WFS1: variants seen among roughly 807,000 people sequenced by gnomAD.
WFS1 encodes the protein wolframin.
WFS1 carries 90 observed loss-of-function variants against 68.5 expected under a neutral mutation model. The observed-to-expected ratio is 1.31, with a 90% confidence interval of 1.11 to 1.56. The LOEUF is 1.56. Ranked by LOEUF, WFS1 falls within the 40% of genes most tolerant of loss-of-function variation. The pLI is 0.00. For synonymous variants in WFS1, 860 were observed against 540.7 expected, an observed-to-expected ratio of 1.59 and a Z score of -8.19; for missense variants, 1,767 against 1,232.6, an observed-to-expected ratio of 1.43 and a Z score of -6.49.
At chr4:6,294,879 C>G in intron 6 of WFS1, 162 bp from the exon 7 acceptor site, 2 of 1,215,734 alleles carry the variant, frequency 1.6e-6, no homozygotes, top group South Asian at 1.3e-5. Context: ...CAGCCTGGTC[C>G]TCAACCCTCA....
At position 6,287,231 on chromosome 4, in the gene WFS1, C is replaced by T; in HGVS notation, c.315+56C>T. On this transcript the variant is annotated intron_variant, in intron 3 of 7. Transcript: ENST00000226760. This position sits in a 1 kb window ranked among gnomAD's most constrained non-coding sequence, Gnocchi z 6.4. ...GGACGCGGCCCCCGGCACAACAGGC[C>T]TGGCCACGAGCTCCACAGCCCACAG... 6.9e-7 allele frequency: 1 copy of T among 1,459,786 alleles called. No homozygotes were observed. Among genetic ancestry groups the T allele is most frequent in the Non-Finnish European group, 9.4e-7 (1 of 1,065,782 alleles). The allele number at this position is 1,459,786 out of a possible 1,614,324, so 90.4% of individuals were successfully genotyped here. A position where few individuals can be genotyped will look rare whatever the true frequency, so the allele number is the denominator to read the frequency against.
Position 6,302,735 on chromosome 4 carries a change from C to G in WFS1, c.*267C>G. The stretch of plus-strand genomic sequence containing the variant: ...GACCTTTCTGAGTGACATGGGTGTG[C>G]CAGGCTAGACTAGGAGGTTCCGGTG... On this transcript the variant is annotated 3_prime_UTR_variant, in exon 8 of 8. Transcript: ENST00000226760. 1.7e-6 allele frequency: 1 copy of G among 578,772 alleles called. No homozygotes were observed. Among genetic ancestry groups the G allele is most frequent in the Non-Finnish European group, 3.0e-6 (1 of 328,514 alleles). 35.9% of individuals were successfully genotyped at this position (578,772 alleles called of 1,614,324 possible). A position where few individuals can be genotyped will look rare whatever the true frequency, so the allele number is the denominator to read the frequency against.
In WFS1 at chr4:6,301,943, C is replaced by A; in HGVS notation, c.2148C>A (p.Ala716=). The part of the protein sequence containing the change: ...YVRVTDIDNS[A]ESAINMLPFF... ...GCGTGACTGACATCGACAACAGCGC[C>A]GAGTCTGCCATCAACATGCTCCCGT... The change falls in exon 8 of 8, where the codon GCC becomes GCA. Residue 716 remains alanine (A), a synonymous_variant. Transcript: ENST00000226760. 2 of 1,612,824 alleles carry A rather than the reference C, an allele frequency of 1.2e-6. No individual in the cohort carries two copies. The highest frequency in any genetic ancestry group is 1.7e-6 in the Non-Finnish European group (2 of 1,179,924).
chr4:6,274,379 C>G (rs1729930906), intron 1 of WFS1, among the ~76,000 whole-genome samples: 1 of 151,960 alleles, frequency 6.6e-6, no homozygotes, highest in Non-Finnish European at 1.5e-5. Flanking sequence ...CAATAGTTTG[C>G]TTTCTCTTCT....
chr4:6,286,579 A>G lies in WFS1; in HGVS notation c.233-514A>G, dbSNP rs189549489. ...CATTCACTCTTAAGAAGGAAAAGGT[A>G]ATATCAAGATGTATATACACTGATT... On this transcript the variant is annotated intron_variant, in intron 2 of 7. Transcript: ENST00000226760. Among the ~76,000 whole-genome samples the G allele has an allele frequency of 2.0e-4, 31 of 152,362 alleles. No individual in the cohort carries two copies. The East Asian group carries it at 6.0e-3, about 29-fold the overall frequency.
At position 6,302,420 on chromosome 4, in the gene WFS1, G is replaced by C; in HGVS notation, c.2625G>C (p.Val875=). ...GGCGCAGCACCGTGCATGGCGCCGT[G>C]AAGTTCGCCTTCGACTTCTTTTTCT... is the stretch of plus-strand genomic sequence containing the variant. ...HDWRSTVHGA[V]KFAFDFFFFP... The change falls in exon 8 of 8, where the codon GTG becomes GTC. Residue 875 remains valine, a synonymous_variant. Coordinates refer to ENST00000226760, the MANE Select transcript of WFS1 (RefSeq NM_006005.3). The C allele has an allele frequency of 6.2e-7, 1 of 1,613,208 alleles. No homozygotes were observed. The highest frequency in any genetic ancestry group is 2.2e-5 in the East Asian group (1 of 44,888).
chr4:6,302,277 A>G lies in WFS1; in HGVS notation c.2482A>G (p.Ile828Val), dbSNP rs756113086. The change falls in exon 8 of 8, where the codon ATC becomes GTC. Residue 828 changes from isoleucine to valine, a missense_variant. Coordinates refer to ENST00000226760, the MANE Select transcript of WFS1 (RefSeq NM_006005.3). ...GGGCAGCCTCATCGAGTTCAGCACC[A>G]TCCTGGAGGGCCGCCTGGGCAGCAA... ...RQGSLIEFST[I>V]LEGRLGSKWP... 2 of 1,605,954 alleles carry G rather than the reference A, an allele frequency of 1.2e-6. No individual in the cohort carries two copies. Among genetic ancestry groups the G allele is most frequent in the Non-Finnish European group, 1.7e-6 (2 of 1,174,712 alleles).
chr4:6,302,143 TCAG>T lies in WFS1; in HGVS notation c.2353_2355del (p.Ser785del), dbSNP rs775017867. 4.3e-6 allele frequency: 7 copies of T among 1,612,986 alleles called. No individual in the cohort carries two copies. The highest frequency in any genetic ancestry group is 4.2e-6 in the Non-Finnish European group (5 of 1,179,998). ...TTTGAGATTACCGTGGGCATGCCAT[TCAG>T]CAGCGGCGCTGACGGCTCGCGCAGC... On this transcript the variant is annotated inframe_deletion, in exon 8 of 8. Coordinates refer to ENST00000226760, the MANE Select transcript of WFS1 (RefSeq NM_006005.3).
chr4:6,299,311 G>C (rs982870338), intron 7 of WFS1, among the ~76,000 whole-genome samples: 1 of 152,238 alleles, frequency 6.6e-6, no homozygotes, highest in African/African-American at 2.4e-5. Flanking sequence ...TGAAGGCCAA[G>C]AGCTCTTTCT....
chr4:6,299,780 G>A (rs1015811661), intron 7 of WFS1, among the ~76,000 whole-genome samples: 7 of 145,730 alleles, frequency 4.8e-5, no homozygotes, highest in Non-Finnish European at 1.1e-4. Flanking sequence ...GTGTGTGAAT[G>A]TGTGTGTAGG....
intron 7 of WFS1, among the ~76,000 whole-genome samples, 156 bp from the exon 8 acceptor site, chr4:6,300,501 G>C (rs184496110): frequency 1.3e-5 from 2 of 152,070 alleles, no homozygotes; most frequent in Non-Finnish European, 2.9e-5. Flanking sequence ...ACCTGGAGAA[G>C]GGGGGAGGGA....
intron 4 of WFS1, among the ~76,000 whole-genome samples, chr4:6,290,243 T>C (rs1288605027): frequency 6.6e-6 from 1 of 152,224 alleles, no homozygotes; most frequent in African/African-American, 2.4e-5. Flanking sequence ...CCAGCTTGTA[T>C]CATATTTTAA....
intron 1 of WFS1, among the ~76,000 whole-genome samples, chr4:6,274,053 T>C (rs1216580842): frequency 1.0e-5 from 1 of 95,914 alleles, no homozygotes; most frequent in Admixed American, 1.2e-4. Context: ...CTTTTTCTTT[T>C]TTCTTTTTTT....
rs1418262443 is a variant in WFS1, at chr4:6,283,476, G to T, written c.233-3617G>T. On this transcript the variant is annotated intron_variant, in intron 2 of 7. Transcript: ENST00000226760. The surrounding 1 kb of genome is among the most constrained non-coding windows in gnomAD (Gnocchi z 5.0). Reference sequence around the variant, plus strand: ...GCTTCAGGCACGGCTGGATCCAGGGGCTCAGATGATGTCATCAGGAAGTAC... The same window carrying T: ...GCTTCAGGCACGGCTGGATCCAGGGTCTCAGATGATGTCATCAGGAAGTAC... Among the ~76,000 whole-genome samples the T allele has an allele frequency of 6.6e-6, 1 of 152,200 alleles. No homozygotes were observed. The highest frequency in any genetic ancestry group is 2.4e-5 in the African/African-American group (1 of 41,448).
At chr4:6,300,613 G>A in intron 7 of WFS1, 44 bp from the exon 8 acceptor site, 1 of 1,612,932 alleles carries the variant, frequency 6.2e-7, no homozygotes, top group Non-Finnish European at 8.5e-7. Context: ...GGAGCAGTGG[G>A]GGTCCTGTCC....
In WFS1 at chr4:6,301,468, G is replaced by C; in HGVS notation, c.1673G>C (p.Arg558Pro). 2 of 1,612,836 alleles carry C rather than the reference G, an allele frequency of 1.2e-6. No homozygotes were observed. Among genetic ancestry groups the C allele is most frequent in the Non-Finnish European group, 1.7e-6 (2 of 1,180,034 alleles). The change falls in exon 8 of 8, where the codon CGC becomes CCC. Residue 558 changes from arginine (R) to proline (P), a missense_variant. Coordinates refer to ENST00000226760, the MANE Select transcript of WFS1 (RefSeq NM_006005.3). ...LLESTGLGLL[R>P]ASIGYFLFLF... The stretch of plus-strand genomic sequence containing the variant: ...GAGTCCACCGGCCTGGGGCTGCTCC[G>C]CGCCTCCATCGGCTACTTCCTCTTC...
intron 6 of WFS1, among the ~76,000 whole-genome samples, chr4:6,292,902 C>T (rs1560411546): frequency 1.3e-5 from 2 of 152,222 alleles, no homozygotes; most frequent in African/African-American, 4.8e-5. Context: ...CCCACCTTCC[C>T]ACTGGGCCCG....
Position 6,283,701 on chromosome 4 carries a change from A to G in WFS1, c.233-3392A>G, listed in dbSNP as rs907111948. ...ACCAGGTGCTGTAGTCAGGGAGATG[A>G]CCTGGCAACTCTGATTGGCCAGGTG... is the stretch of plus-strand genomic sequence containing the variant. On this transcript the variant is annotated intron_variant, in intron 2 of 7. Transcript: ENST00000226760. The surrounding 1 kb of genome is among the most constrained non-coding windows in gnomAD (Gnocchi z 5.0). Among the ~76,000 whole-genome samples the G allele has an allele frequency of 1.3e-5, 2 of 152,162 alleles. No individual in the cohort carries two copies. The highest frequency in any genetic ancestry group is 6.5e-5 in the Admixed American group (1 of 15,288).
Position 6,287,909 on chromosome 4 carries a change from C to T in WFS1, c.315+734C>T, listed in dbSNP as rs1046639568. Among the ~76,000 whole-genome samples, 5 of 152,306 alleles carry T rather than the reference C, an allele frequency of 3.3e-5. No homozygotes were observed. The highest frequency in any genetic ancestry group is 2.1e-4 in the South Asian group (1 of 4,824). On this transcript the variant is annotated intron_variant, in intron 3 of 7. Transcript: ENST00000226760. The surrounding 1 kb of genome is among the most constrained non-coding windows in gnomAD (Gnocchi z 6.4). ...TCCCTAAAGAGGAGAAAAGCTTCCA[C>T]GCGAAACCATAAATTAAGAATTTCT...
Sources: gnomAD v4.1 joint callset for allele counts (sites outside exome capture counted in the v4.1 genomes callset) on GRCh38, gnomAD v4.1.1 for gene constraint, Gnocchi (gnomAD v3.1) non-coding constraint, MANE v1.5 for transcripts, NCBI Gene and HGNC (gene_info 2026-07-23, HGNC 2026-07-21) for gene names.